The following SERGEF variants were observed in gnomAD, a reference collection of about 807,000 sequenced individuals.
SERGEF encodes secretion regulating guanine nucleotide exchange factor.
A neutral mutation model predicts 50.0 loss-of-function variants in SERGEF; 51 were observed. The observed-to-expected ratio is 1.02, with a 90% CI of 0.81 to 1.29. The LOEUF (loss-of-function observed/expected upper bound fraction) is 1.29, where lower values mean the gene tolerates loss of function less well. Among genes scored for constraint, SERGEF ranks in the 50% most tolerant of loss-of-function variants. SERGEF has a pLI of 0.00. For missense variants in SERGEF, 521 were observed against 557.0 expected (o/e 0.94, Z 0.65); for synonymous variants, 205 against 212.4 (o/e 0.97, Z 0.30).
intron 8 of SERGEF, among the ~76,000 whole-genome samples, chr11:17,962,086 T>G (rs1241479853): frequency 6.6e-6 from 1 of 152,220 alleles, no homozygotes; most frequent in African/African-American, 2.4e-5. Context: ...ACCTGTGTCT[T>G]CTGACTCCAG....
chr11:17,974,420 A>G (rs1853324804), intron 8 of SERGEF, among the ~76,000 whole-genome samples: 1 of 152,210 alleles, frequency 6.6e-6, no homozygotes, highest in South Asian at 2.1e-4. Flanking sequence ...GGCATCTGCT[A>G]CTGAGGATTT....
intron 9 of SERGEF, among the ~76,000 whole-genome samples, chr11:17,909,118 C>T (rs1444030929): frequency 6.6e-6 from 1 of 152,158 alleles, no homozygotes; most frequent in African/African-American, 2.4e-5. Flanking sequence ...GAAAGAGGAC[C>T]GGTTTTGGAG....
chr11:17,993,062 C>G (rs1853754218), intron 6 of SERGEF, 69 bp from the exon 7 acceptor site: 1 of 1,284,930 alleles, frequency 7.8e-7, no homozygotes, highest in Non-Finnish European at 1.1e-6. Flanking sequence ...AGGGGGCACT[C>G]AGCCAGTACC....
At chr11:17,834,425 A>T (rs907498597) in intron 10 of SERGEF, among the ~76,000 whole-genome samples, 1 of 152,228 alleles carries the variant, frequency 6.6e-6, no homozygotes, top group Non-Finnish European at 1.5e-5. Context: ...GTACTAATAC[A>T]GATGGAGGCT....
At chr11:17,827,185 T>C (rs1039173354) in intron 10 of SERGEF, among the ~76,000 whole-genome samples, 4 of 152,184 alleles carry the variant, frequency 2.6e-5, no homozygotes, top group South Asian at 2.1e-4. Context: ...TCTCAGCCTA[T>C]TGAATCCTGC....
chr11:18,006,082 A>G (rs1854066851), intron 3 of SERGEF, among the ~76,000 whole-genome samples: 1 of 152,220 alleles, frequency 6.6e-6, no homozygotes, highest in Admixed American at 6.5e-5. Flanking sequence ...AGTCTCCTTT[A>G]CCGTTAAACT....
intron 6 of SERGEF, 112 bp downstream of exon 6, chr11:17,995,684 A>T: frequency 1.4e-6 from 1 of 738,978 alleles, no homozygotes. Flanking sequence ...AGAGAAAGTT[A>T]GAGAGACCAA....
intron 1 of SERGEF, chr11:18,010,006 G>A (rs779724044): frequency 1.9e-4 from 122 of 632,342 alleles, no homozygotes; most frequent in Non-Finnish European, 2.6e-4. Context: ...TGAAGACAAG[G>A]GATTGTGGAC....
chr11:17,858,080 A>G (rs543158568), intron 10 of SERGEF, among the ~76,000 whole-genome samples: 11 of 152,346 alleles, frequency 7.2e-5, no homozygotes, highest in African/African-American at 2.4e-4. Context: ...TTGGAAGACA[A>G]TGAAAAGCCT....
chr11:17,990,024 AG>A (rs1267845542), intron 7 of SERGEF, among the ~76,000 whole-genome samples: 3 of 152,214 alleles, frequency 2.0e-5, no homozygotes, highest in Non-Finnish European at 4.4e-5. Context: ...ATTACTTTTC[AG>A]GATCACATGG....
chr11:17,949,046 C>G (rs1413380144), intron 9 of SERGEF, among the ~76,000 whole-genome samples: 4 of 152,142 alleles, frequency 2.6e-5, no homozygotes, highest in Non-Finnish European at 5.9e-5. Flanking sequence ...TAACCTCCCC[C>G]TTCTAGTCAC....
chr11:17,895,332 T>C (rs543548530), intron 9 of SERGEF, among the ~76,000 whole-genome samples: 30 of 152,240 alleles, frequency 2.0e-4, no homozygotes, highest in Non-Finnish European at 4.1e-4. Flanking sequence ...AAGCTTATCA[T>C]AGCAAGTGTA....
chr11:17,878,380 A>G (rs1851278064), intron 9 of SERGEF, 136 bp from the exon 10 acceptor site: 1 of 631,992 alleles, frequency 1.6e-6, no homozygotes, highest in African/African-American at 1.9e-5. Flanking sequence ...AGCATCACAT[A>G]CAAAAGTTAA....
chr11:17,853,065 C>T (rs1850742471), intron 10 of SERGEF, among the ~76,000 whole-genome samples: 1 of 152,152 alleles, frequency 6.6e-6, no homozygotes, highest in South Asian at 2.1e-4. Flanking sequence ...TTTCAAGTCC[C>T]ACCTTAGATA....
At chr11:17,939,029 A>G (rs1235613922) in intron 9 of SERGEF, among the ~76,000 whole-genome samples, 1 of 152,246 alleles carries the variant, frequency 6.6e-6, no homozygotes, top group Non-Finnish European at 1.5e-5. Context: ...TCTGAATGAA[A>G]GAATGTTTAT....
intron 10 of SERGEF, among the ~76,000 whole-genome samples, chr11:17,821,178 GC>G (rs1850073764): frequency 6.6e-6 from 1 of 152,154 alleles, no homozygotes; most frequent in Non-Finnish European, 1.5e-5. Context: ...AGGGAGCATG[GC>G]CCTGCTGACA....
chr11:17,889,728 A>C (rs1032391408), intron 9 of SERGEF, among the ~76,000 whole-genome samples: 4 of 152,222 alleles, frequency 2.6e-5, no homozygotes, highest in Admixed American at 2.6e-4. Context: ...AAAAAGAGAG[A>C]GGACACAAAT....
chr11:17,801,063 T>C (rs1002819252), intron 10 of SERGEF, among the ~76,000 whole-genome samples: 208 of 151,540 alleles, frequency 1.4e-3, no homozygotes, highest in African/African-American at 4.2e-3. Context: ...GGCGTGGTGG[T>C]GGGCGCCTGT....
intron 1 of SERGEF, 146 bp downstream of exon 1, chr11:18,012,805 C>G (rs1296290645): frequency 1.3e-6 from 2 of 1,507,850 alleles, no homozygotes; most frequent in East Asian, 2.6e-5. Context: ...TCCGCTCCCC[C>G]TCCGCTCCCA....
Sources: allele counts gnomAD v4.1 joint callset (sites outside exome capture counted in the v4.1 genomes callset), GRCh38; gene constraint gnomAD v4.1.1; transcripts MANE v1.5; gene names NCBI Gene and HGNC (gene_info 2026-07-23, HGNC 2026-07-21).